FAM53A: variants seen among roughly 807,000 people sequenced by gnomAD.
FAM53A encodes the protein family with sequence similarity 53 member A.
Under a neutral mutation model 26.6 loss-of-function variants are expected in FAM53A, and 28 were observed. The observed-to-expected ratio is 1.05, with a 90% CI of 0.78 to 1.45. FAM53A has a LOEUF of 1.45. FAM53A is among the 40% of genes most tolerant of loss of function. The pLI is 0.00. For synonymous variants in FAM53A, 290 were observed against 253.1 expected, an observed-to-expected ratio of 1.15 and a Z score of -1.38; for missense variants, 650 against 575.8, an observed-to-expected ratio of 1.13 and a Z score of -1.32.
At chr4:1,652,266 C>G in intron 4 of FAM53A, among the ~76,000 whole-genome samples, 1 of 147,992 alleles carries the variant, frequency 6.8e-6, no homozygotes, top group South Asian at 2.2e-4. Flanking sequence ...ACGCCAGACA[C>G]CGCATACACC....
downstream of FAM53A, among the ~76,000 whole-genome samples, chr4:1,617,184 A>T (rs4404613): frequency 0.72 from 108,228 of 150,452 alleles, 39,534 homozygotes; most frequent in African/African-American, 0.87. Context: ...AAGGTTGACA[A>T]CACTCATGAG....
At chr4:1,649,232 G>A (rs1370360912) in intron 4 of FAM53A, among the ~76,000 whole-genome samples, 1 of 151,234 alleles carries the variant, frequency 6.6e-6, no homozygotes, top group Non-Finnish European at 1.5e-5. Context: ...AAGAGGAGGG[G>A]AGGAAAGAAA....
chr4:1,681,103 A>AT (rs992357959), intron 1 of FAM53A, among the ~76,000 whole-genome samples: 38 of 149,990 alleles, frequency 2.5e-4, no homozygotes, highest in African/African-American at 7.3e-4. Flanking sequence ...TAGCAACTCG[A>AT]TTTTTTTTTT....
At chr4:1,576,584 T>C in the FAM53A span, among the ~76,000 whole-genome samples, 9 of 152,362 alleles carry the variant, frequency 5.9e-5, no homozygotes, top group South Asian at 4.1e-4. Context: ...CTACCCTCAA[T>C]TGAAATTACA....
At chr4:1,656,998 C>A (rs1188312430) in intron 3 of FAM53A, among the ~76,000 whole-genome samples, 1 of 152,334 alleles carries the variant, frequency 6.6e-6, no homozygotes, top group East Asian at 1.9e-4. Flanking sequence ...CACAGCCACA[C>A]CCTCCACTGC....
At chr4:1,600,359 C>T in the FAM53A span, among the ~76,000 whole-genome samples, 1 of 152,112 alleles carries the variant, frequency 6.6e-6, no homozygotes, top group Non-Finnish European at 1.5e-5. Context: ...CGGCAGTTCC[C>T]CAGGCCGAAT....
chr4:1,626,401 C>T (rs1482867305), intron 1 of FAM53A, among the ~76,000 whole-genome samples: 1 of 152,242 alleles, frequency 6.6e-6, no homozygotes, highest in Non-Finnish European at 1.5e-5. Context: ...CTGCCAGTCA[C>T]ACAGAACAGG....
chr4:1,615,678 CAG>C (rs1483789353), downstream of FAM53A, among the ~76,000 whole-genome samples: 4 of 152,282 alleles, frequency 2.6e-5, no homozygotes, highest in Admixed American at 1.3e-4. Flanking sequence ...TGGGCGCACA[CAG>C]GGGATGGCCC....
the FAM53A span, among the ~76,000 whole-genome samples, chr4:1,583,223 A>G: frequency 2.0e-5 from 3 of 152,134 alleles, no homozygotes; most frequent in African/African-American, 7.2e-5. Context: ...TGCACTGGGG[A>G]GGGGACCAGC....
chr4:1,609,370 G>A, the FAM53A span, among the ~76,000 whole-genome samples: 1 of 152,054 alleles, frequency 6.6e-6, no homozygotes. Flanking sequence ...ACCTGCCCCG[G>A]GGCCTCTGAT....
the FAM53A span, among the ~76,000 whole-genome samples, chr4:1,574,826 C>T: frequency 1.3e-5 from 2 of 152,236 alleles, no homozygotes; most frequent in East Asian, 1.9e-4. Flanking sequence ...GGAGGGCCCA[C>T]GCCCTGTGTG....
At chr4:1,657,283 G>T in intron 3 of FAM53A, 125 bp downstream of exon 3, 2 of 851,102 alleles carry the variant, frequency 2.3e-6, no homozygotes, top group South Asian at 1.5e-5. Context: ...CCCAGTGCAG[G>T]GCACACGAAC....
At position 1,655,720 on chromosome 4, in the gene FAM53A, T is replaced by G; in HGVS notation, c.140A>C (p.Gln47Pro). 1 of 1,558,686 alleles carries G rather than the reference T, an allele frequency of 6.4e-7. No individual in the cohort carries two copies. The highest frequency in any genetic ancestry group is 2.3e-5 in the East Asian group (1 of 42,814). The change falls in exon 4 of 5, where the codon CAG (glutamine) becomes CCG (proline). Residue 47 changes from glutamine to proline, a missense_variant. By Grantham distance (76) the Gln-to-Pro change is moderately conservative. Transcript: ENST00000308132. ...TCCACTGAAGACCTTCCAGGGACTC[T>G]GGTCTACAAAAAAAGACACAAAGAG... ...GRLFPLELND[Q>P]SPWKVFSGGP...
rs1315299487 is a variant in FAM53A at position 1,655,023 on chromosome 4, G to T, written c.837C>A (p.Asp279Glu). ...CCAAGGATGGGCGTGTCCACCTGGC[G>T]TCCTCCTCACGCCTCCGTTTGCGCC... ...RSRRKRRREEDARWTRPSLDF... is the reference protein window; with the variant it reads ...RSRRKRRREEEARWTRPSLDF... The change falls in exon 4 of 5, where the codon GAC becomes GAA. Residue 279 changes from aspartate (D) to glutamate (E), a missense_variant. Physicochemically the swap from Asp to Glu is conservative, Grantham distance 45 (BLOSUM62 2). Transcript: ENST00000308132. 6.4e-7 allele frequency: 1 copy of T among 1,561,910 alleles called. No individual in the cohort carries two copies. The highest frequency in any genetic ancestry group is 1.2e-5 in the South Asian group (1 of 82,914).
the FAM53A span, among the ~76,000 whole-genome samples, chr4:1,596,181 G>A: frequency 1.3e-5 from 2 of 152,184 alleles, no homozygotes; most frequent in African/African-American, 4.8e-5. Context: ...CCACCTCCAG[G>A]GACCATGCAT....
At chr4:1,618,198 A>C in intron 1 of FAM53A, 1 of 455,298 alleles carries the variant, frequency 2.2e-6, no homozygotes, top group Non-Finnish European at 4.4e-6. Context: ...TCGCAGAGAC[A>C]GTGAGGCTGG....
chr4:1,623,888 C>T (rs777301994), intron 1 of FAM53A, among the ~76,000 whole-genome samples: 5 of 152,146 alleles, frequency 3.3e-5, no homozygotes, highest in South Asian at 2.1e-4. Flanking sequence ...CCCTCTCTGG[C>T]GGGCGGGGAG....
rs189492496 is a variant in FAM53A at position 1,679,309 on chromosome 4, C to T, written c.-165+4924G>A. ...GGTCGAAGTAGAAGAATCACTTGAA[C>T]CCAGGAGCTGAGGTTGCAGTGAGCC... On this transcript the variant is annotated intron_variant, in intron 1 of 4. Transcript: ENST00000308132. Among the ~76,000 whole-genome samples, 4 of 150,648 alleles carry T rather than the reference C, an allele frequency of 2.7e-5. No homozygotes were observed. The East Asian group carries it at 7.8e-4, about 29-fold the overall frequency.
At chr4:1,623,789 T>C (rs1039887102) in intron 1 of FAM53A, among the ~76,000 whole-genome samples, 5 of 152,220 alleles carry the variant, frequency 3.3e-5, no homozygotes, top group African/African-American at 9.6e-5. Context: ...AATGAAAATA[T>C]CAATCAAAAA....
Sources: gnomAD v4.1 joint callset for allele counts (sites outside exome capture counted in the v4.1 genomes callset) on GRCh38, gnomAD v4.1.1 for gene constraint, MANE v1.5 for transcripts, NCBI Gene and HGNC (gene_info 2026-07-23, HGNC 2026-07-21) for gene names.